PSTPIP2: variants seen among roughly 807,000 people sequenced by gnomAD.
PSTPIP2 encodes proline-serine-threonine phosphatase-interacting protein 2.
A neutral mutation model predicts 63.3 loss-of-function variants in PSTPIP2; 33 were observed. The observed-to-expected ratio is 0.52, with a 90% CI of 0.40 to 0.70. The LOEUF is 0.70. Among genes scored for constraint, PSTPIP2 ranks in the 30% least tolerant of loss-of-function variants. PSTPIP2 has a pLI of 0.00. For synonymous variants in PSTPIP2, 125 were observed against 132.7 expected (o/e 0.94, Z 0.40); for missense variants, 312 against 400.7 (o/e 0.78, Z 1.89).
chr18:45,993,381 C>T (rs2051559772), intron 10 of PSTPIP2, among the ~76,000 whole-genome samples: 1 of 152,184 alleles, frequency 6.6e-6, no homozygotes, highest in South Asian at 2.1e-4. Flanking sequence ...AGGAGTGAAC[C>T]ACCGCTCCCA....
At chr18:46,071,264 T>G (rs529999336) in intron 1 of PSTPIP2, among the ~76,000 whole-genome samples, 1 of 151,942 alleles carries the variant, frequency 6.6e-6, no homozygotes, top group Admixed American at 6.5e-5. Flanking sequence ...CAGTAAGGAG[T>G]CAGGGCCCCT....
At chr18:46,029,746 A>G in intron 2 of PSTPIP2, 1 of 604,888 alleles carries the variant, frequency 1.7e-6, no homozygotes, top group Non-Finnish European at 3.0e-6. Context: ...CCCAGTCATT[A>G]AAAAGAAAAC....
At chr18:46,059,075 C>T (rs1225743952) in intron 1 of PSTPIP2, among the ~76,000 whole-genome samples, 3 of 149,526 alleles carry the variant, frequency 2.0e-5, no homozygotes, top group Non-Finnish European at 3.0e-5. Flanking sequence ...CTCCCTCTGT[C>T]GCCCAGGCTG....
intron 1 of PSTPIP2, among the ~76,000 whole-genome samples, chr18:46,058,624 G>C (rs999688531): frequency 3.3e-5 from 5 of 152,310 alleles, no homozygotes; most frequent in African/African-American, 9.6e-5. Context: ...CTCCCAAAAT[G>C]CTGGGATTAC....
At chr18:45,996,572 T>A (rs1023775425) in intron 9 of PSTPIP2, among the ~76,000 whole-genome samples, 1 of 151,512 alleles carries the variant, frequency 6.6e-6, no homozygotes, top group Non-Finnish European at 1.5e-5. Flanking sequence ...AATTGTGAGG[T>A]CATTTGCTGC....
At chr18:46,069,418 G>A (rs1479576317) in intron 1 of PSTPIP2, among the ~76,000 whole-genome samples, 1 of 152,138 alleles carries the variant, frequency 6.6e-6, no homozygotes, top group Non-Finnish European at 1.5e-5. Context: ...GGAAGGGTGG[G>A]AGAGAAACAA....
At chr18:46,029,100 T>C in intron 2 of PSTPIP2, 1 of 819,792 alleles carries the variant, frequency 1.2e-6, no homozygotes, top group South Asian at 1.3e-5. Context: ...GTTTCCAAAC[T>C]GTAAGGCTTA....
intron 6 of PSTPIP2, among the ~76,000 whole-genome samples, chr18:46,001,355 G>A (rs888363010): frequency 2.0e-5 from 3 of 152,106 alleles, no homozygotes; most frequent in African/African-American, 7.2e-5. Context: ...GTGATGTTGA[G>A]CATTAAAAAA....
At chr18:46,067,681 G>C (rs1475351513) in intron 1 of PSTPIP2, among the ~76,000 whole-genome samples, 1 of 152,124 alleles carries the variant, frequency 6.6e-6, no homozygotes, top group African/African-American at 2.4e-5. Flanking sequence ...AGACTGCCCA[G>C]TCAAGTCCAA....
intron 3 of PSTPIP2, among the ~76,000 whole-genome samples, chr18:46,019,922 G>A (rs962017238): frequency 7.2e-4 from 110 of 152,258 alleles, no homozygotes; most frequent in Admixed American, 6.5e-4. Context: ...AAAAAAAGAC[G>A]GGTATGATAG....
At chr18:45,998,560 T>C (rs2051628429) in intron 8 of PSTPIP2, among the ~76,000 whole-genome samples, 4 of 152,070 alleles carry the variant, frequency 2.6e-5, no homozygotes, top group Admixed American at 2.0e-4. Context: ...CCTCCCACCT[T>C]CCGGGGTTCT....
chr18:46,021,772 C>T (rs1227219264), intron 3 of PSTPIP2, among the ~76,000 whole-genome samples: 2 of 144,754 alleles, frequency 1.4e-5, no homozygotes, highest in Non-Finnish European at 3.0e-5. Context: ...GTGGTAAAAC[C>T]CTGTCTCTAC....
intron 9 of PSTPIP2, among the ~76,000 whole-genome samples, chr18:45,994,175 C>T (rs1568209691): frequency 6.6e-6 from 1 of 151,762 alleles, no homozygotes; most frequent in East Asian, 1.9e-4. Flanking sequence ...ATTGTTTTTC[C>T]TTAAAAAAAG....
chr18:46,014,033 T>C (rs2051828107), intron 4 of PSTPIP2, among the ~76,000 whole-genome samples: 1 of 148,688 alleles, frequency 6.7e-6, no homozygotes, highest in Admixed American at 6.7e-5. Flanking sequence ...GAAGGGATCT[T>C]TTTTTTTTTT....
intron 1 of PSTPIP2, among the ~76,000 whole-genome samples, chr18:46,062,888 T>C (rs1438223229): frequency 6.6e-6 from 1 of 152,156 alleles, no homozygotes; most frequent in Non-Finnish European, 1.5e-5. Context: ...CTTTGTTTGC[T>C]TCCTTAAGAA....
At position 46,045,453 on chromosome 18, in the gene PSTPIP2, T is replaced by C. The variant is rs547100894; in HGVS notation, c.34-5406A>G. Among the ~76,000 whole-genome samples the C allele has an allele frequency of 1.3e-4, 20 of 152,092 alleles. No individual in the cohort carries two copies. The East Asian group carries it at 1.4e-3, about 10-fold the overall frequency. On this transcript the variant is annotated intron_variant, in intron 1 of 14. Coordinates refer to ENST00000409746, the MANE Select transcript of PSTPIP2 (RefSeq NM_024430.4). ...ACATATTGTCACTCACAGGTGGGAA[T>C]TGAACAATGAGAACACATGGACACA...
intron 1 of PSTPIP2, among the ~76,000 whole-genome samples, chr18:46,048,997 AG>A (rs1440694118): frequency 2.7e-5 from 4 of 147,506 alleles, no homozygotes; most frequent in Admixed American, 7.0e-5. Flanking sequence ...CAAATGGTTC[AG>A]AAAAAAAGCA....
chr18:46,007,948 C>A (rs1418859471), intron 5 of PSTPIP2, among the ~76,000 whole-genome samples: 2 of 152,188 alleles, frequency 1.3e-5, no homozygotes, highest in Admixed American at 1.3e-4. Flanking sequence ...ACATCAGGTC[C>A]AGCTCTGTCT....
rs756139486 is a variant in PSTPIP2 at position 45,992,095 on chromosome 18, G to A, written c.838+11C>T. 6.2e-7 allele frequency: 1 copy of A among 1,603,038 alleles called. No homozygotes were observed. Among genetic ancestry groups the A allele is most frequent in the Non-Finnish European group, 8.5e-7 (1 of 1,172,980 alleles). On this transcript the variant is annotated intron_variant, in intron 11 of 14. Transcript: ENST00000409746. ...TGTAAATAACACTCCCCACCCCACT[G>A]CCCCATTCACCTGGTGGAATCTGTC...
Sources: gnomAD v4.1 joint callset for allele counts (sites outside exome capture counted in the v4.1 genomes callset) on GRCh38, gnomAD v4.1.1 for gene constraint, MANE v1.5 for transcripts, NCBI Gene and HGNC (gene_info 2026-07-23, HGNC 2026-07-21) for gene names.